Variants in FAM76A observed in about 807,000 individuals in gnomAD.
The protein encoded by FAM76A is protein FAM76A.
Under a neutral mutation model 46.2 loss-of-function variants are expected in FAM76A, and 32 were observed. The ratio of observed to expected loss-of-function variants is 0.69; its 90% CI spans 0.52 to 0.93. The LOEUF is 0.93. FAM76A is among the 40% of genes least tolerant of loss of function. The probability of loss-of-function intolerance (pLI) is 0.00; values close to 1 mark genes in which losing one functional copy is unlikely to be tolerated. For missense variants in FAM76A, 274 were observed against 361.5 expected (o/e 0.76, Z 1.96); for synonymous variants, 137 against 127.0 (o/e 1.08, Z -0.53).
chr1:27,739,582 T>G (rs1325617950), intron 4 of FAM76A: 1 of 312,582 alleles, frequency 3.2e-6, no homozygotes, highest in East Asian at 9.5e-5. Flanking sequence ...AGCCCAGGAG[T>G]TGGAGACCAG....
At chr1:27,749,975 A>G (rs1294832883) in intron 6 of FAM76A, among the ~76,000 whole-genome samples, 2 of 152,106 alleles carry the variant, frequency 1.3e-5, no homozygotes, top group Admixed American at 6.5e-5. Flanking sequence ...CTTGGGTCCT[A>G]ATATCCAGAG....
intron 4 of FAM76A, chr1:27,740,477 G>C: frequency 6.8e-7 from 1 of 1,471,206 alleles, no homozygotes; most frequent in Non-Finnish European, 9.5e-7. Context: ...TGGTGGAGTA[G>C]GTCCTGACAC....
chr1:27,732,432 A>G (rs2087974892), intron 2 of FAM76A, among the ~76,000 whole-genome samples, 171 bp from the exon 3 acceptor site: 1 of 152,144 alleles, frequency 6.6e-6, no homozygotes, highest in South Asian at 2.1e-4. Flanking sequence ...TGTCTCAAAA[A>G]TATTGAATAA....
At chr1:27,736,426 A>G (rs954841631) in intron 4 of FAM76A, among the ~76,000 whole-genome samples, 5 of 152,094 alleles carry the variant, frequency 3.3e-5, no homozygotes, top group Admixed American at 1.3e-4. Context: ...TAATCTATCA[A>G]TGCCTCAGTT....
rs1173333057 is a variant in FAM76A, at chr1:27,726,000, C to T, written c.-81C>T. ...GCCTGCCGCAGCCAGCAGCCTGCAGCCGCCGCCGGGTTGTGCCTCAGACTG... is the reference window on the plus strand; with the variant it reads ...GCCTGCCGCAGCCAGCAGCCTGCAGTCGCCGCCGGGTTGTGCCTCAGACTG... On this transcript the variant is annotated 5_prime_UTR_variant, in exon 1 of 9. Coordinates refer to ENST00000373954, the MANE Select transcript of FAM76A (RefSeq NM_152660.3). The T allele has an allele frequency of 8.8e-7, 1 of 1,140,142 alleles. No homozygotes were observed. Among genetic ancestry groups the T allele is most frequent in the Non-Finnish European group, 1.1e-6 (1 of 907,758 alleles). The allele number at this position is 1,140,142 out of a possible 1,614,324, so 70.6% of individuals were successfully genotyped here. A position where few individuals can be genotyped will look rare whatever the true frequency, so the allele number is the denominator to read the frequency against.
chr1:27,728,782 C>T (rs529943668), intron 2 of FAM76A, among the ~76,000 whole-genome samples: 33 of 152,000 alleles, frequency 2.2e-4, no homozygotes, highest in Non-Finnish European at 3.7e-4. Flanking sequence ...GCTAACATGA[C>T]GAAACCCAGT....
chr1:27,746,892 C>T (rs2088250382), intron 5 of FAM76A, among the ~76,000 whole-genome samples: 1 of 152,076 alleles, frequency 6.6e-6, no homozygotes, highest in Non-Finnish European at 1.5e-5. Flanking sequence ...GCAGGAACAA[C>T]ATAATGAGAC....
At chr1:27,737,880 A>C (rs550265398) in intron 4 of FAM76A, among the ~76,000 whole-genome samples, 5,414 of 147,068 alleles carry the variant, frequency 0.037, 417 homozygotes, top group African/African-American at 0.13. Context: ...AAAAAAAAAA[A>C]AAAAAAAAAA....
intron 4 of FAM76A, among the ~76,000 whole-genome samples, chr1:27,743,323 G>A (rs770383836): frequency 6.6e-6 from 1 of 152,018 alleles, no homozygotes; most frequent in Non-Finnish European, 1.5e-5. Flanking sequence ...GCTAATTTTT[G>A]TTGTGTTTCT....
chr1:27,736,336 C>CG (rs1011949076), intron 4 of FAM76A, among the ~76,000 whole-genome samples: 5 of 151,852 alleles, frequency 3.3e-5, no homozygotes, highest in Non-Finnish European at 5.9e-5. Context: ...AAAAGGAAAG[C>CG]GGGGAGGGTA....
At chr1:27,741,695 A>G (rs2088156638) in intron 4 of FAM76A, among the ~76,000 whole-genome samples, 1 of 152,002 alleles carries the variant, frequency 6.6e-6, no homozygotes, top group African/African-American at 2.4e-5. Context: ...AGCCTGGCCA[A>G]CGTGGTGAAA....
intron 8 of FAM76A, chr1:27,760,086 T>C: frequency 2.3e-6 from 1 of 429,844 alleles, no homozygotes; most frequent in Non-Finnish European, 4.6e-6. Context: ...AGATACTTTG[T>C]ATTGTTTCAC....
In FAM76A at chr1:27,727,640, A is replaced by G. The variant is rs2087883198; in HGVS notation, c.146+104A>G. ...AGATGCTATAATCAGTTGCATTGTA[A>G]AATACAGATCTGTAATCAATCACAT... On this transcript the variant is annotated intron_variant, in intron 2 of 8. Transcript: ENST00000373954. The G allele has an allele frequency of 3.6e-6, 3 of 825,802 alleles. No homozygotes were observed. In the East Asian group the frequency reaches 8.1e-5, roughly 22 times the overall value. 51.2% of individuals were successfully genotyped at this position (825,802 alleles called of 1,614,324 possible).
At position 27,746,089 on chromosome 1, in the gene FAM76A, CT is replaced by C. The variant is rs2088237149; in HGVS notation, c.512+1284del. Among the ~76,000 whole-genome samples the C allele has an allele frequency of 5.3e-5, 8 of 152,160 alleles. No individual in the cohort carries two copies. In the South Asian group the frequency reaches 1.7e-3, roughly 32 times the overall value. ...AAAGGGACTGGGGGCTAATTAAAGG[CT>C]TTTTTCTAAGAGTTTGGGTAAGAGA... On this transcript the variant is annotated intron_variant, in intron 5 of 8. Coordinates refer to ENST00000373954, the MANE Select transcript of FAM76A (RefSeq NM_152660.3).
intron 4 of FAM76A, among the ~76,000 whole-genome samples, chr1:27,738,486 AT>A (rs200472326): frequency 1.1e-4 from 16 of 150,970 alleles, no homozygotes; most frequent in Non-Finnish European, 1.5e-4. Context: ...CAAAAAAAAA[AT>A]AATAATAATA....
chr1:27,759,872 A>T (rs1183841827), intron 8 of FAM76A: 1 of 554,566 alleles, frequency 1.8e-6, no homozygotes, highest in African/African-American at 2.0e-5. Flanking sequence ...GGCTCAGGTG[A>T]TCCTCCCACC....
chr1:27,760,115 C>A, intron 8 of FAM76A: 1 of 377,592 alleles, frequency 2.6e-6, no homozygotes, highest in South Asian at 2.0e-5. Context: ...GTGTTCTGAT[C>A]TTTTCCCCTC....
At chr1:27,740,462 G>T in intron 4 of FAM76A, 1 of 1,469,032 alleles carries the variant, frequency 6.8e-7, no homozygotes, top group Admixed American at 1.7e-5. Context: ...TGGATAAGAG[G>T]TCGATGGTGG....
In FAM76A at chr1:27,726,052, C is replaced by A. The variant is rs1035939334; in HGVS notation, c.-29C>A. 8.1e-7 allele frequency: 1 copy of A among 1,240,774 alleles called. No homozygotes were observed. The highest frequency in any genetic ancestry group is 3.2e-5 in the South Asian group (1 of 31,734). The allele number at this position is 1,240,774 out of a possible 1,614,324, so 76.9% of individuals were successfully genotyped here. On this transcript the variant is annotated 5_prime_UTR_variant, in exon 1 of 9. Coordinates refer to ENST00000373954, the MANE Select transcript of FAM76A (RefSeq NM_152660.3). ...CAGATAAATCGGCGGGCCGGGCCGG[C>A]GGGTCGGTGAGCGCGGCCCGGGCCG...
Sources: allele counts gnomAD v4.1 joint callset (sites outside exome capture counted in the v4.1 genomes callset), GRCh38; gene constraint gnomAD v4.1.1; transcripts MANE v1.5; gene names NCBI Gene and HGNC (gene_info 2026-07-23, HGNC 2026-07-21).